The following PCBP2 variants were observed in gnomAD, a reference collection of about 807,000 sequenced individuals.
The protein encoded by PCBP2 is poly(rC) binding protein 2.
A neutral mutation model predicts 50.1 loss-of-function variants in PCBP2; 4 were observed. The observed-to-expected ratio is 0.08, with a 90% CI of 0.04 to 0.18. The LOEUF is 0.18. PCBP2 is among the 10% of genes least tolerant of loss of function. The probability of loss-of-function intolerance (pLI) is 1.00; values close to 1 mark genes in which losing one functional copy is unlikely to be tolerated. For missense variants in PCBP2, 161 were observed against 474.3 expected, an observed-to-expected ratio of 0.34 and a Z score of 6.14; for synonymous variants, 179 against 168.0, an observed-to-expected ratio of 1.07 and a Z score of -0.51.
intron 12 of PCBP2, 23 bp downstream of exon 12, chr12:53,467,866 T>C: frequency 7.1e-7 from 1 of 1,411,656 alleles, no homozygotes; most frequent in Non-Finnish European, 1.0e-6. Context: ...AAAAAAAAAA[T>C]CTGTAGTATT....
intron 5 of PCBP2, among the ~76,000 whole-genome samples, chr12:53,458,700 C>T (rs1311934357): frequency 2.7e-5 from 4 of 150,882 alleles, no homozygotes; most frequent in South Asian, 4.2e-4. Flanking sequence ...AGTGCAGTGG[C>T]ACGATCTTGG....
At chr12:53,466,304 G>A (rs989487741) in intron 10 of PCBP2, among the ~76,000 whole-genome samples, 3 of 152,194 alleles carry the variant, frequency 2.0e-5, no homozygotes, top group African/African-American at 7.2e-5. Flanking sequence ...CATTGGGACT[G>A]TGCTTCCTTG....
At chr12:53,466,580 T>A (rs1453603900) in intron 10 of PCBP2, among the ~76,000 whole-genome samples, 1 of 152,240 alleles carries the variant, frequency 6.6e-6, no homozygotes, top group Admixed American at 6.5e-5. Flanking sequence ...TTTCAGGTGC[T>A]GAGCATTATT....
chr12:53,465,874 C>A, intron 9 of PCBP2, 58 bp from the exon 10 acceptor site: 8 of 1,377,468 alleles, frequency 5.8e-6, no homozygotes, highest in Non-Finnish European at 7.2e-6. Flanking sequence ...CTTTTTCCCC[C>A]CACTGGGTGG....
intron 5 of PCBP2, among the ~76,000 whole-genome samples, chr12:53,456,853 G>A (rs1941055274): frequency 6.6e-6 from 1 of 152,110 alleles, no homozygotes; most frequent in South Asian, 2.1e-4. Flanking sequence ...TTGGGCAATT[G>A]ATATCACAGG....
At chr12:53,452,803 G>T (rs1198977136) in intron 1 of PCBP2, 2 of 148,364 alleles carry the variant, frequency 1.3e-5, no homozygotes, top group Non-Finnish European at 3.0e-5. Flanking sequence ...GTATCGCAGC[G>T]CCCCCCCCCG....
intron 5 of PCBP2, among the ~76,000 whole-genome samples, chr12:53,456,519 T>C (rs1052328415): frequency 6.6e-6 from 1 of 151,916 alleles, no homozygotes; most frequent in Non-Finnish European, 1.5e-5. Context: ...GGACTTAATA[T>C]AAATAATTTG....
At chr12:53,454,098 C>A (rs1940805286) in intron 1 of PCBP2, among the ~76,000 whole-genome samples, 1 of 152,158 alleles carries the variant, frequency 6.6e-6, no homozygotes, top group African/African-American at 2.4e-5. Flanking sequence ...TGTATCGAGT[C>A]ATTTTCTAAA....
intron 6 of PCBP2, 36 bp downstream of exon 6, chr12:53,459,439 CTA>C (rs1380541207): frequency 6.3e-7 from 1 of 1,581,618 alleles, no homozygotes; most frequent in Non-Finnish European, 8.6e-7. Context: ...GAAATGTTAA[CTA>C]TTTGTTCCAA....
Position 53,473,843 on chromosome 12 carries a change from A to G in PCBP2, c.1052+2036A>G, listed in dbSNP as rs1344696815. ...TCTGAGCATTTTCTCCTGTCTCTTG[A>G]TTTTTCATGGTGGCAGTCTGTCCTT... On this transcript the variant is annotated intron_variant, in intron 14 of 14. Coordinates refer to ENST00000546463, the MANE Select transcript of PCBP2 (RefSeq NM_031989.5). 2.7e-5 allele frequency among the ~76,000 whole-genome samples: 4 copies of G among 147,500 alleles called. No homozygotes were observed. The East Asian group carries it at 6.0e-4, about 22-fold the overall frequency.
chr12:53,457,830 G>A (rs1337510282), intron 5 of PCBP2, among the ~76,000 whole-genome samples: 2 of 152,088 alleles, frequency 1.3e-5, no homozygotes, highest in Admixed American at 1.3e-4. Context: ...TCTTCAGAAG[G>A]CTAAATTTAA....
At chr12:53,458,794 A>G (rs1034112177) in intron 5 of PCBP2, among the ~76,000 whole-genome samples, 8 of 151,002 alleles carry the variant, frequency 5.3e-5, no homozygotes, top group African/African-American at 1.7e-4. Context: ...GCCAGCCACC[A>G]TGCTTAGCTA....
chr12:53,464,987 AC>A (rs1162311769), intron 9 of PCBP2, 135 bp downstream of exon 9: 21 of 1,067,910 alleles, frequency 2.0e-5, no homozygotes, highest in Admixed American at 4.4e-5. Context: ...ACCTGGACTG[AC>A]CCCCCCAACC....
intron 3 of PCBP2, 32 bp downstream of exon 3, chr12:53,455,402 AT>A: frequency 1.2e-6 from 2 of 1,613,974 alleles, no homozygotes; most frequent in Non-Finnish European, 1.7e-6. Context: ...TTCAATTACC[AT>A]TTAGTAATTC....
intron 10 of PCBP2, 74 bp downstream of exon 10, chr12:53,466,047 A>G (rs1342396112): frequency 5.0e-6 from 6 of 1,208,952 alleles, no homozygotes; most frequent in Non-Finnish European, 7.4e-6. Context: ...CTCTCTCCCA[A>G]GTAGCCAGAA....
In PCBP2 at chr12:53,463,467, C is replaced by T. The variant is rs145948686; in HGVS notation, c.579+900C>T. Among the ~76,000 whole-genome samples, 9 of 152,168 alleles carry T rather than the reference C, an allele frequency of 5.9e-5. No homozygotes were observed. In the East Asian group the frequency reaches 1.7e-3, roughly 29 times the overall value. On this transcript the variant is annotated intron_variant, in intron 8 of 14. Transcript: ENST00000546463. ...TGTATCTGTACTGAACATGTACAGGCTTTGTTTTGTCATTAAACAATAGAG... is the reference window on the plus strand; with the variant it reads ...TGTATCTGTACTGAACATGTACAGGTTTTGTTTTGTCATTAAACAATAGAG...
chr12:53,469,856 C>T (rs911754807), intron 13 of PCBP2, among the ~76,000 whole-genome samples: 23 of 149,118 alleles, frequency 1.5e-4, no homozygotes, highest in Non-Finnish European at 3.1e-4. Context: ...ATTTTCCTGC[C>T]CCAGCCTCCC....
intron 7 of PCBP2, among the ~76,000 whole-genome samples, chr12:53,461,813 G>C (rs1336640867): frequency 6.6e-6 from 1 of 152,060 alleles, no homozygotes; most frequent in Non-Finnish European, 1.5e-5. Context: ...AGGCTTAAGC[G>C]ATCCTCTCAC....
At chr12:53,456,192 C>T (rs2137021775) in intron 5 of PCBP2, 191 bp downstream of exon 5, 6 of 580,346 alleles carry the variant, frequency 1.0e-5, no homozygotes, top group Admixed American at 2.8e-5. Flanking sequence ...TGAGGCTGGG[C>T]GTGGTGGCTC....
Sources: gnomAD v4.1 joint callset for allele counts (sites outside exome capture counted in the v4.1 genomes callset) on GRCh38, gnomAD v4.1.1 for gene constraint, MANE v1.5 for transcripts, NCBI Gene and HGNC (gene_info 2026-07-23, HGNC 2026-07-21) for gene names.